The following RHOT1 variants were observed in gnomAD, a reference collection of about 807,000 sequenced individuals.
RHOT1 encodes ras homolog family member T1, also known as mitochondrial Rho GTPase 1.
Under a neutral mutation model 95.3 loss-of-function variants are expected in RHOT1, and 27 were observed. That is an observed-to-expected ratio of 0.28 (90% CI 0.21 to 0.39). The LOEUF is 0.39. Among genes scored for constraint, RHOT1 ranks in the 10% least tolerant of loss-of-function variants. RHOT1 has a pLI of 1.00. For synonymous variants in RHOT1, 227 were observed against 263.5 expected (o/e 0.86, Z 1.34); for missense variants, 578 against 786.7 (o/e 0.73, Z 3.17).
Position 32,159,838 on chromosome 17 carries a change from C to T in RHOT1, c.38-11205C>T, listed in dbSNP as rs550507655. Reference sequence around the variant, plus strand: ...TGAATGCCAGCAGGAGGCAGACAGGCTCCTGGGCAGAAGGGGGCAGATGCC... The same window carrying T: ...TGAATGCCAGCAGGAGGCAGACAGGTTCCTGGGCAGAAGGGGGCAGATGCC... On this transcript the variant is annotated intron_variant, in intron 1 of 19. Coordinates refer to ENST00000545287, the MANE Select transcript of RHOT1 (RefSeq NM_001033566.3). 4 of 152,518 alleles carry T rather than the reference C, an allele frequency of 2.6e-5. No homozygotes were observed. In the South Asian group the frequency reaches 8.3e-4, roughly 32 times the overall value. The allele number at this position is 152,518 out of a possible 1,614,324, so 9.4% of individuals were successfully genotyped here.
intron 1 of RHOT1, among the ~76,000 whole-genome samples, chr17:32,166,328 G>A (rs1411930859): frequency 6.6e-6 from 1 of 152,172 alleles, no homozygotes; most frequent in Non-Finnish European, 1.5e-5. Context: ...CCTTCAGTGA[G>A]TTGTAACCTT....
intron 19 of RHOT1, 79 bp downstream of exon 19, chr17:32,211,317 G>A (rs1267100393): frequency 1.5e-6 from 2 of 1,325,200 alleles, no homozygotes; most frequent in Non-Finnish European, 2.0e-6. Context: ...TTATTATACA[G>A]ATACTCACTA....
At chr17:32,163,242 G>A (rs1598319474) in intron 1 of RHOT1, among the ~76,000 whole-genome samples, 1 of 152,144 alleles carries the variant, frequency 6.6e-6, no homozygotes, top group Non-Finnish European at 1.5e-5. Context: ...TGGAGAAAGG[G>A]ATAGGAAATT....
chr17:32,179,233 A>C (rs1205321743), intron 6 of RHOT1: 3 of 86,710 alleles, frequency 3.5e-5, no homozygotes, highest in African/African-American at 1.4e-4. Context: ...CGTCTGGGAA[A>C]TGGGAAGCGC....
chr17:32,182,668 T>G, intron 6 of RHOT1, 89 bp from the exon 7 acceptor site: 1 of 799,684 alleles, frequency 1.3e-6, no homozygotes, highest in Non-Finnish European at 2.0e-6. Context: ...AAATAAAAGC[T>G]TTTTAGTTAG....
intron 19 of RHOT1, among the ~76,000 whole-genome samples, chr17:32,217,532 A>G (rs150973757): frequency 0.047 from 7,191 of 152,038 alleles, 575 homozygotes; most frequent in African/African-American, 0.16. Context: ...CGAGGAGGGC[A>G]GATCACGAGG....
intron 16 of RHOT1, among the ~76,000 whole-genome samples, chr17:32,206,638 A>G (rs2037772024): frequency 6.6e-6 from 1 of 151,562 alleles, no homozygotes; most frequent in Non-Finnish European, 1.5e-5. Flanking sequence ...TATTTTTAGT[A>G]TAGGCAGGGT....
Position 32,193,132 on chromosome 17 carries a change from C to T in RHOT1, c.640-4C>T. The T allele has an allele frequency of 1.3e-6, 2 of 1,561,836 alleles. No individual in the cohort carries two copies. Among genetic ancestry groups the T allele is most frequent in the South Asian group, 2.3e-5 (2 of 85,832 alleles). On this transcript the variant is annotated splice_polypyrimidine_tract_variant and splice_region_variant and intron_variant, in intron 9 of 19. Transcript: ENST00000545287. ...TTTAAATATATTTTTATGTTTTTTG[C>T]TAGAGGATTTGTTTCAACACTCCAT...
chr17:32,199,468 C>G lies in RHOT1; in HGVS notation c.1018C>G (p.Pro340Ala). 1.2e-6 allele frequency: 2 copies of G among 1,613,172 alleles called. No individual in the cohort carries two copies. Reference protein sequence around the residue: ...KDLFKVFPYIPWGPDVNNTVC... With the variant: ...KDLFKVFPYIAWGPDVNNTVC... ...TTTATTTAAAGTTTTCCCTTACATA[C>G]CTTGGGGGCCAGATGTGAATAACAC... Residue 340 changes from proline to alanine, a missense_variant, in exon 13 of 20, where the codon CCT becomes GCT. Pro to Ala is a conservative substitution (Grantham distance 27). Coordinates refer to ENST00000545287, the MANE Select transcript of RHOT1 (RefSeq NM_001033566.3).
chr17:32,194,887 G>A (rs1294464659), intron 11 of RHOT1, among the ~76,000 whole-genome samples: 1 of 144,194 alleles, frequency 6.9e-6, no homozygotes, highest in African/African-American at 2.6e-5. Flanking sequence ...GGAGTGCAGT[G>A]TCACGATCTT....
intron 1 of RHOT1, among the ~76,000 whole-genome samples, chr17:32,161,793 C>T (rs1306155811): frequency 6.6e-6 from 1 of 152,214 alleles, no homozygotes; most frequent in African/African-American, 2.4e-5. Context: ...CAGCAGCATG[C>T]ACTTTGGCCT....
At chr17:32,201,085 G>A in intron 14 of RHOT1, 29 bp downstream of exon 14, 1 of 1,333,786 alleles carries the variant, frequency 7.5e-7, no homozygotes. Context: ...TTCAGCTCAT[G>A]ATTAGAGATA....
In RHOT1 at chr17:32,192,299, G is replaced by A; in HGVS notation, c.639G>A (p.Gln213=). The change falls in exon 9 of 20, where the codon CAG becomes CAA. Residue 213 remains glutamine, a splice_region_variant and synonymous_variant. Transcript: ENST00000545287. ...ATGATGCTGAACTCAACTTCTTTCA[G>A]GTAATGGTCCTTTATTTCAGACATT... ...TLNDAELNFF[Q]RICFNTPLAP... is the part of the protein sequence containing the mutation. The A allele has an allele frequency of 6.8e-7, 1 of 1,462,890 alleles. No individual in the cohort carries two copies. Among genetic ancestry groups the A allele is most frequent in the Non-Finnish European group, 9.4e-7 (1 of 1,068,302 alleles). 90.6% of individuals were successfully genotyped at this position (1,462,890 alleles called of 1,614,324 possible). A position where few individuals can be genotyped will look rare whatever the true frequency, so the allele number is the denominator to read the frequency against.
intron 6 of RHOT1, among the ~76,000 whole-genome samples, chr17:32,181,614 CAACAATT>C (rs1247861990): frequency 1.2e-4 from 19 of 152,304 alleles, no homozygotes; most frequent in African/African-American, 4.6e-4. Context: ...TATCCAGCTT[CAACAATT>C]AACTCATGGC....
chr17:32,221,812 A>C (rs954378642), intron 19 of RHOT1, among the ~76,000 whole-genome samples: 1 of 152,222 alleles, frequency 6.6e-6, no homozygotes, highest in Admixed American at 6.5e-5. Context: ...ATATTATTTC[A>C]TGTGTCTTAA....
rs184630848 is a variant in RHOT1 at position 32,217,006 on chromosome 17, G to C, written c.1862+5768G>C. 2.4e-4 allele frequency among the ~76,000 whole-genome samples: 36 copies of C among 152,272 alleles called. 2 individuals carry two copies. The East Asian group carries it at 6.4e-3, about 27-fold the overall frequency. On this transcript the variant is annotated intron_variant, in intron 19 of 19. Transcript: ENST00000545287. ...AGTTTATGTTATAGATTTTCATTAAGTAAGCTGCTGCTGCTTATAATTTTT... is the reference window on the plus strand; with the variant it reads ...AGTTTATGTTATAGATTTTCATTAACTAAGCTGCTGCTGCTTATAATTTTT...
intron 1 of RHOT1, 153 bp downstream of exon 1, chr17:32,142,882 C>T (rs1168189698): frequency 2.6e-6 from 2 of 767,950 alleles, no homozygotes; most frequent in Admixed American, 2.0e-5. Flanking sequence ...GTTCCTAGGC[C>T]TTCCAGCCCC....
chr17:32,194,154 T>C (rs374397746), intron 11 of RHOT1, 47 bp downstream of exon 11: 3 of 1,584,232 alleles, frequency 1.9e-6, no homozygotes, highest in African/African-American at 1.4e-5. Flanking sequence ...TAATTTTTTA[T>C]TGAGACAGGA....
In RHOT1 at chr17:32,194,125, T is replaced by TG; in HGVS notation, c.869+18_869+19insG. 1 of 1,609,486 alleles carries TG rather than the reference T, an allele frequency of 6.2e-7. No individual in the cohort carries two copies. Among genetic ancestry groups the TG allele is most frequent in the African/African-American group, 1.3e-5 (1 of 74,610 alleles). On this transcript the variant is annotated intron_variant, in intron 11 of 19. Coordinates refer to ENST00000545287, the MANE Select transcript of RHOT1 (RefSeq NM_001033566.3). ...TTCCCCCTGTATGTACCTTTGTTTT[T>TG]TTTGTTGTTGTTGTTGTTTAATTTT...
Sources: allele counts gnomAD v4.1 joint callset (sites outside exome capture counted in the v4.1 genomes callset), GRCh38; gene constraint gnomAD v4.1.1; transcripts MANE v1.5; gene names NCBI Gene and HGNC (gene_info 2026-07-23, HGNC 2026-07-21).